SCAPER: variants seen among roughly 807,000 people sequenced by gnomAD.
The protein encoded by SCAPER is S phase cyclin A-associated protein in the endoplasmic reticulum.
SCAPER carries 98 observed loss-of-function variants against 182.2 expected under a neutral mutation model. The ratio of observed to expected loss-of-function variants is 0.54; its 90% CI spans 0.46 to 0.64. The LOEUF (loss-of-function observed/expected upper bound fraction) is 0.64, where lower values mean the gene tolerates loss of function less well. Among genes scored for constraint, SCAPER ranks in the 30% least tolerant of loss-of-function variants. The pLI is 0.00. For synonymous variants in SCAPER, 605 were observed against 564.6 expected (o/e 1.07, Z -1.01); for missense variants, 1,432 against 1,690.0 (o/e 0.85, Z 2.68).
chr15:76,487,251 G>A (rs887321502), intron 24 of SCAPER, among the ~76,000 whole-genome samples: 28 of 151,182 alleles, frequency 1.9e-4, no homozygotes, highest in African/African-American at 6.3e-4. Context: ...TAATACCTGG[G>A]TGATGAAATA....
chr15:76,737,580 T>C (rs954579361), intron 15 of SCAPER, among the ~76,000 whole-genome samples: 4 of 152,210 alleles, frequency 2.6e-5, no homozygotes, highest in Non-Finnish European at 5.9e-5. Context: ...CCAGCTGCAT[T>C]AGCTCCTAAT....
intron 5 of SCAPER, among the ~76,000 whole-genome samples, chr15:76,821,293 G>A (rs763870932): frequency 2.6e-5 from 4 of 152,068 alleles, no homozygotes; most frequent in African/African-American, 4.8e-5. Context: ...TATTGCTCAC[G>A]GCTAAGAAGA....
In SCAPER at chr15:76,665,753, C is replaced by A. The variant is rs1204192760; in HGVS notation, c.2545G>T (p.Val849Leu). 3 of 1,547,368 alleles carry A rather than the reference C, an allele frequency of 1.9e-6. No individual in the cohort carries two copies. Among genetic ancestry groups the A allele is most frequent in the Non-Finnish European group, 2.6e-6 (3 of 1,146,380 alleles). Residue 849 changes from valine to leucine, a missense_variant, in exon 21 of 32, where the codon GTG becomes TTG. By Grantham distance (32) the Val-to-Leu change is conservative. Transcript: ENST00000563290. ...LSLKKYIIDI[V>L]VESTAPAEAL... is the part of the protein sequence containing the mutation. Reference sequence around the variant, plus strand: ...TCTGCTGGAGCTGTACTTTCAACCACAATGTCAATAATGTACTTCTTCAAG... The same window carrying A: ...TCTGCTGGAGCTGTACTTTCAACCAAAATGTCAATAATGTACTTCTTCAAG...
chr15:76,715,387 C>T (rs2059833963), intron 17 of SCAPER, among the ~76,000 whole-genome samples: 1 of 152,056 alleles, frequency 6.6e-6, no homozygotes, highest in Non-Finnish European at 1.5e-5. Context: ...GATTCAGAAG[C>T]TCGGCTGAGC....
At chr15:76,661,227 T>C (rs2056128688) in intron 21 of SCAPER, among the ~76,000 whole-genome samples, 2 of 152,150 alleles carry the variant, frequency 1.3e-5, no homozygotes, top group South Asian at 2.1e-4. Flanking sequence ...ATAAAAACCC[T>C]AGAAGAAAAT....
At chr15:76,534,225 GACAA>G in intron 23 of SCAPER, among the ~76,000 whole-genome samples, 1 of 152,218 alleles carries the variant, frequency 6.6e-6, no homozygotes, top group Non-Finnish European at 1.5e-5. Context: ...TGAAAGTTAC[GACAA>G]ACATTGTGCT....
chr15:76,878,266 GAGAA>G (rs1308094532), intron 2 of SCAPER, among the ~76,000 whole-genome samples: 1 of 152,114 alleles, frequency 6.6e-6, no homozygotes, highest in East Asian at 1.9e-4. Context: ...CACACAAAGA[GAGAA>G]AGGAAAGAAT....
chr15:76,422,951 T>A lies in SCAPER; in HGVS notation c.3311+11127A>T, dbSNP rs562169863. Among the ~76,000 whole-genome samples, 17 of 152,352 alleles carry A rather than the reference T, an allele frequency of 1.1e-4. No homozygotes were observed. In the East Asian group the frequency reaches 2.9e-3, roughly 26 times the overall value. On this transcript the variant is annotated intron_variant, in intron 26 of 31. Coordinates refer to ENST00000563290, the MANE Select transcript of SCAPER (RefSeq NM_020843.4). ...TGATTTGCATATGTTGAACCAGCCTTGCATCCCAGGGATGAAGCCCACTTG... is the reference window on the plus strand; with the variant it reads ...TGATTTGCATATGTTGAACCAGCCTAGCATCCCAGGGATGAAGCCCACTTG...
At chr15:76,698,617 G>A (rs1448465178) in intron 20 of SCAPER, among the ~76,000 whole-genome samples, 1 of 152,186 alleles carries the variant, frequency 6.6e-6, no homozygotes, top group Non-Finnish European at 1.5e-5. Flanking sequence ...AACAGTGCAA[G>A]CAGACAGTAC....
chr15:76,482,892 G>A (rs2051264102), intron 24 of SCAPER, among the ~76,000 whole-genome samples: 1 of 151,990 alleles, frequency 6.6e-6, no homozygotes, highest in African/African-American at 2.4e-5. Context: ...CATATTCATG[G>A]GTAGGAAGAC....
intron 2 of SCAPER, among the ~76,000 whole-genome samples, chr15:76,865,039 T>C (rs942136432): frequency 3.7e-4 from 57 of 152,160 alleles, no homozygotes; most frequent in African/African-American, 1.4e-3. Flanking sequence ...ATACTATAAC[T>C]AACAAAATCA....
rs766360333 is a variant in SCAPER at position 76,360,174 on chromosome 15, T to C, written c.3856-6034A>G. Reference sequence around the variant, plus strand: ...CTCCTTTTGCAGGTATGGGCAAAACTGGTGTTTCACTTGGTATGAAGGAAT... The same window carrying C: ...CTCCTTTTGCAGGTATGGGCAAAACCGGTGTTTCACTTGGTATGAAGGAAT... On this transcript the variant is annotated intron_variant, in intron 29 of 31. Coordinates refer to ENST00000563290, the MANE Select transcript of SCAPER (RefSeq NM_020843.4). 2.6e-5 allele frequency among the ~76,000 whole-genome samples: 4 copies of C among 152,214 alleles called. 1 individual carries two copies. The highest frequency in any genetic ancestry group is 5.9e-5 in the Non-Finnish European group (4 of 68,030).
intron 8 of SCAPER, among the ~76,000 whole-genome samples, chr15:76,788,352 TA>T (rs2064768167): frequency 6.6e-6 from 1 of 152,214 alleles, no homozygotes; most frequent in South Asian, 2.1e-4. Context: ...ATGTGAATTG[TA>T]TCTCAATAAA....
chr15:76,633,244 T>C (rs917218293), intron 21 of SCAPER, among the ~76,000 whole-genome samples: 1 of 152,174 alleles, frequency 6.6e-6, no homozygotes, highest in Non-Finnish European at 1.5e-5. Flanking sequence ...TTCCCACTCC[T>C]GGAATTATCA....
At chr15:76,765,127 G>A in intron 13 of SCAPER, 55 bp from the exon 14 acceptor site, 2 of 1,306,398 alleles carry the variant, frequency 1.5e-6, no homozygotes, top group South Asian at 1.4e-5. Flanking sequence ...GATAAGGCCA[G>A]AAAAAGTGTT....
intron 27 of SCAPER, among the ~76,000 whole-genome samples, chr15:76,389,075 T>C (rs917265834): frequency 2.0e-5 from 3 of 152,204 alleles, no homozygotes; most frequent in Non-Finnish European, 2.9e-5. Context: ...GCTTGTTTAA[T>C]GCAAATCTAA....
intron 8 of SCAPER, among the ~76,000 whole-genome samples, chr15:76,785,705 G>T (rs886554625): frequency 1.3e-5 from 2 of 152,212 alleles, no homozygotes; most frequent in Admixed American, 6.5e-5. Context: ...CCATAAAAAA[G>T]GATGAGTTCA....
At chr15:76,904,334 G>A (rs146877767) in intron 1 of SCAPER, among the ~76,000 whole-genome samples, 99 of 152,314 alleles carry the variant, frequency 6.5e-4, no homozygotes, top group African/African-American at 2.2e-3. Context: ...AAAAGTTAAT[G>A]ATGAAATTAA....
intron 25 of SCAPER, among the ~76,000 whole-genome samples, chr15:76,434,645 A>C (rs2047077694): frequency 6.6e-6 from 1 of 152,252 alleles, no homozygotes; most frequent in African/African-American, 2.4e-5. Flanking sequence ...TTCAATACTT[A>C]ATAAATTATA....
Sources: gnomAD v4.1 joint callset for allele counts (sites outside exome capture counted in the v4.1 genomes callset) on GRCh38, gnomAD v4.1.1 for gene constraint, MANE v1.5 for transcripts, NCBI Gene and HGNC (gene_info 2026-07-23, HGNC 2026-07-21) for gene names.